CLEC16A: variants seen among roughly 807,000 people sequenced by gnomAD.
CLEC16A encodes C-type lectin domain containing 16A, also known as protein CLEC16A.
CLEC16A carries 51 observed loss-of-function variants against 109.5 expected under a neutral mutation model. The ratio of observed to expected loss-of-function variants is 0.47; its 90% CI spans 0.37 to 0.59. CLEC16A has a LOEUF of 0.59. CLEC16A is among the 20% of genes least tolerant of loss of function. CLEC16A has a pLI of 0.00. For missense variants in CLEC16A, 1,339 were observed against 1,394.0 expected (o/e 0.96, Z 0.63); for synonymous variants, 673 against 564.2 (o/e 1.19, Z -2.73).
chr16:11,166,794 C>A (rs965016776), intron 23 of CLEC16A, among the ~76,000 whole-genome samples: 6 of 152,326 alleles, frequency 3.9e-5, no homozygotes, highest in Admixed American at 1.3e-4. Context: ...CCGAAGCTGT[C>A]ACTGACTGCA....
At chr16:11,078,950 G>A (rs1280393767) in intron 19 of CLEC16A, among the ~76,000 whole-genome samples, 1 of 152,176 alleles carries the variant, frequency 6.6e-6, no homozygotes, top group African/African-American at 2.4e-5. Context: ...TGCATACAGT[G>A]TGCCTCTACC....
chr16:11,005,310 T>C (rs2044932417), intron 11 of CLEC16A, among the ~76,000 whole-genome samples: 1 of 152,186 alleles, frequency 6.6e-6, no homozygotes, highest in Admixed American at 6.5e-5. Flanking sequence ...CTGGAAGCTG[T>C]GCCCAGCTGC....
intron 19 of CLEC16A, among the ~76,000 whole-genome samples, chr16:11,093,198 G>GCA (rs1360358503): frequency 6.6e-6 from 1 of 152,228 alleles, no homozygotes; most frequent in Non-Finnish European, 1.5e-5. Flanking sequence ...GACCTGCTCA[G>GCA]CACAGCAGAG....
chr16:11,045,019 A>G (rs1213161993), intron 16 of CLEC16A, among the ~76,000 whole-genome samples: 12 of 151,644 alleles, frequency 7.9e-5, no homozygotes, highest in Non-Finnish European at 1.6e-4. Context: ...ACAAAACACC[A>G]TAAACTGGGT....
At chr16:11,024,599 G>A in intron 12 of CLEC16A, 1 of 464,022 alleles carries the variant, frequency 2.2e-6, no homozygotes, top group South Asian at 2.6e-5. Context: ...GACTAAGCAA[G>A]CAGTCTGTTC....
At chr16:11,048,864 C>A (rs1211497261) in intron 17 of CLEC16A, among the ~76,000 whole-genome samples, 2 of 151,632 alleles carry the variant, frequency 1.3e-5, no homozygotes, top group Non-Finnish European at 2.9e-5. Context: ...AATGTCATTT[C>A]CTACAGTTTG....
At chr16:11,067,183 GTT>G (rs1459178844) in intron 19 of CLEC16A, among the ~76,000 whole-genome samples, 24 of 104,828 alleles carry the variant, frequency 2.3e-4, no homozygotes, top group Non-Finnish European at 4.4e-4. Context: ...TTTTTTGTTT[GTT>G]TTTGTTTTTT....
rs77898908 is a variant in CLEC16A, at chr16:11,146,166, T to C, written c.2641+20020T>C. ...TCAGAAGGTCTTGCCAGATATTCTA[T>C]ATAGTGGCAACCCTGTCCCCACTCC... On this transcript the variant is annotated intron_variant, in intron 22 of 23. Transcript: ENST00000409790. Among the ~76,000 whole-genome samples, 25 of 152,284 alleles carry C rather than the reference T, an allele frequency of 1.6e-4. No individual in the cohort carries two copies. In the East Asian group the frequency reaches 4.4e-3, roughly 27 times the overall value.
intron 22 of CLEC16A, among the ~76,000 whole-genome samples, chr16:11,151,263 C>G (rs567190292): frequency 6.6e-6 from 1 of 152,348 alleles, no homozygotes; most frequent in South Asian, 2.1e-4. Context: ...AATTATTCCT[C>G]CAGAAACCAT....
At position 11,166,346 on chromosome 16, in the gene CLEC16A, A is replaced by G. The variant is rs201250004; in HGVS notation, c.2642-42A>G. On this transcript the variant is annotated intron_variant, in intron 22 of 23. Transcript: ENST00000409790. ...CCATGACATTGAGGCCCTCAGGCCT[A>G]CTCTTTGCTTCCACTTGGTCACCTG... 137 of 1,560,836 alleles carry G rather than the reference A, an allele frequency of 8.8e-5. No individual in the cohort carries two copies. The East Asian group carries it at 2.9e-3, about 33-fold the overall frequency.
rs201263332 is a variant in CLEC16A at position 10,972,572 on chromosome 16, C to T, written c.604+13C>T. ...ATTCCAGTGTCATGTAAGTTATTAACCTCTGGTTTTCTGCTTTCTTAATCT... is the reference window on the plus strand; with the variant it reads ...ATTCCAGTGTCATGTAAGTTATTAATCTCTGGTTTTCTGCTTTCTTAATCT... On this transcript the variant is annotated intron_variant, in intron 6 of 23. Coordinates refer to ENST00000409790, the MANE Select transcript of CLEC16A (RefSeq NM_015226.3). The T allele has an allele frequency of 4.3e-6, 7 of 1,610,412 alleles. No individual in the cohort carries two copies. Among genetic ancestry groups the T allele is most frequent in the East Asian group, 2.2e-5 (1 of 44,870 alleles).
At chr16:11,115,499 A>G (rs1189424935) in intron 19 of CLEC16A, among the ~76,000 whole-genome samples, 2 of 152,122 alleles carry the variant, frequency 1.3e-5, no homozygotes, top group Non-Finnish European at 2.9e-5. Context: ...CAGCCTCCTG[A>G]GTAGCTGGGA....
chr16:11,163,972 G>A lies in CLEC16A; in HGVS notation c.2642-2416G>A, dbSNP rs528108108. On this transcript the variant is annotated intron_variant, in intron 22 of 23. Coordinates refer to ENST00000409790, the MANE Select transcript of CLEC16A (RefSeq NM_015226.3). ...ACCGCTCTAAGTGATTAAGAAGTGA[G>A]CAGCTATAAAACTGGTTCCATGAGG... Among the ~76,000 whole-genome samples, 86 of 152,184 alleles carry A rather than the reference G, an allele frequency of 5.7e-4. 1 individual carries two copies. Among genetic ancestry groups the A allele is most frequent in the Non-Finnish European group, 9.3e-4 (63 of 68,024 alleles).
At chr16:11,047,414 C>G in intron 17 of CLEC16A, 72 bp downstream of exon 17, 1 of 1,247,988 alleles carries the variant, frequency 8.0e-7, no homozygotes, top group Non-Finnish European at 1.1e-6. Context: ...CTGCCCATCC[C>G]AGAGGGAGTT....
At chr16:11,131,667 C>A (rs1255536554) in intron 22 of CLEC16A, among the ~76,000 whole-genome samples, 2 of 152,188 alleles carry the variant, frequency 1.3e-5, no homozygotes, top group African/African-American at 4.8e-5. Flanking sequence ...AACCGCTCCC[C>A]ACCAGCCTGT....
At position 11,042,376 on chromosome 16, in the gene CLEC16A, C is replaced by G. The variant is rs1368683594; in HGVS notation, c.1770+13C>G. 4 of 1,550,544 alleles carry G rather than the reference C, an allele frequency of 2.6e-6. No individual in the cohort carries two copies. Among genetic ancestry groups the G allele is most frequent in the South Asian group, 1.2e-5 (1 of 84,710 alleles). ...GGCCTGCCTGGAGGTAACGCCCTCTCCGCTCCTCCTTCCTGTGGGCCAAGG... is the reference window on the plus strand; with the variant it reads ...GGCCTGCCTGGAGGTAACGCCCTCTGCGCTCCTCCTTCCTGTGGGCCAAGG... On this transcript the variant is annotated intron_variant, in intron 15 of 23. Coordinates refer to ENST00000409790, the MANE Select transcript of CLEC16A (RefSeq NM_015226.3).
At chr16:11,117,874 G>A (rs901207964) in intron 19 of CLEC16A, among the ~76,000 whole-genome samples, 2 of 152,200 alleles carry the variant, frequency 1.3e-5, no homozygotes, top group African/African-American at 4.8e-5. Flanking sequence ...TGCATACAGC[G>A]GTAGACCATA....
chr16:11,060,036 T>C (rs2048397449), intron 18 of CLEC16A, among the ~76,000 whole-genome samples: 1 of 152,204 alleles, frequency 6.6e-6, no homozygotes, highest in South Asian at 2.1e-4. Flanking sequence ...GGCAAGCCTG[T>C]CCTGGGGCTG....
chr16:10,977,361 C>T lies in CLEC16A; in HGVS notation c.865C>T (p.Leu289=), dbSNP rs1357129252. The T allele has an allele frequency of 1.2e-6, 2 of 1,613,844 alleles. No individual in the cohort carries two copies. Among genetic ancestry groups the T allele is most frequent in the East Asian group, 2.2e-5 (1 of 44,896 alleles). The part of the protein sequence containing the change: ...LTDHLLNRLF[L]PLYVYSLENQ... ...TGACCACCTGCTCAACAGGCTCTTC[C>T]TGCCCCTCTACGTGTACTCACTGGA... Residue 289 remains leucine (L), a synonymous_variant, in exon 8 of 24, where the codon CTG becomes TTG. Transcript: ENST00000409790.
Sources: gnomAD v4.1 joint callset for allele counts (sites outside exome capture counted in the v4.1 genomes callset) on GRCh38, gnomAD v4.1.1 for gene constraint, MANE v1.5 for transcripts, NCBI Gene and HGNC (gene_info 2026-07-23, HGNC 2026-07-21) for gene names.